The following PPFIBP2 variants were observed in gnomAD, a reference collection of about 807,000 sequenced individuals.
PPFIBP2 encodes the protein liprin-beta-2.
In PPFIBP2, 118 loss-of-function variants were observed where a neutral mutation model predicts 118.3. The observed-to-expected ratio is 1.00, with a 90% CI of 0.86 to 1.16. PPFIBP2 has a LOEUF of 1.16. Among genes scored for constraint, PPFIBP2 ranks in the 50% most tolerant of loss-of-function variants. The pLI, the probability that PPFIBP2 is intolerant of heterozygous loss-of-function variation, is 0.00. For synonymous variants in PPFIBP2, 414 were observed against 397.4 expected (o/e 1.04, Z -0.50); for missense variants, 1,195 against 1,073.1 (o/e 1.11, Z -1.59).
chr11:7,520,549 C>A (rs1849665771), intron 1 of PPFIBP2, among the ~76,000 whole-genome samples: 1 of 150,664 alleles, frequency 6.6e-6, no homozygotes, highest in South Asian at 2.1e-4. Flanking sequence ...GTTCATGATG[C>A]TGTCGTGTTT....
intron 4 of PPFIBP2, chr11:7,597,296 G>C: frequency 6.5e-7 from 1 of 1,535,576 alleles, no homozygotes; most frequent in Non-Finnish European, 8.7e-7. Flanking sequence ...TGGCTGTTGG[G>C]TGTTTTACTC....
rs575263928 is a variant in PPFIBP2 at position 7,625,642 on chromosome 11, C to T, written c.712-135C>T. On this transcript the variant is annotated intron_variant, in intron 7 of 23. Transcript: ENST00000299492. ...CCACCTGTGGAGAGGGCAGTGAGCC[C>T]CTGCTCCTGCTCACCTCTTCTCCTA... 2.8e-4 allele frequency: 190 copies of T among 668,748 alleles called. 2 individuals are homozygous for T. In the East Asian group the frequency reaches 5.0e-3, roughly 18 times the overall value. The allele number at this position is 668,748 out of a possible 1,614,324, so 41.4% of individuals were successfully genotyped here.
intron 21 of PPFIBP2, 103 bp downstream of exon 21, chr11:7,649,757 C>CA: frequency 6.7e-7 from 1 of 1,490,118 alleles, no homozygotes; most frequent in Non-Finnish European, 9.1e-7. Flanking sequence ...CTGTTTTTTG[C>CA]ACCATGGTGC....
intron 6 of PPFIBP2, among the ~76,000 whole-genome samples, chr11:7,613,711 G>C (rs1461060345): frequency 6.6e-6 from 1 of 152,190 alleles, no homozygotes; most frequent in Non-Finnish European, 1.5e-5. Flanking sequence ...TTGCTCAGAT[G>C]GGCCTTCCCC....
intron 17 of PPFIBP2, among the ~76,000 whole-genome samples, chr11:7,647,952 G>GT (rs201454227): frequency 2.6e-5 from 4 of 151,726 alleles, no homozygotes; most frequent in Non-Finnish European, 5.9e-5. Flanking sequence ...TGGGTGTTTT[G>GT]TTTTTTTTCT....
intron 17 of PPFIBP2, 92 bp from the exon 18 acceptor site, chr11:7,648,295 T>A (rs545655309): frequency 1.5e-6 from 2 of 1,370,470 alleles, no homozygotes; most frequent in Admixed American, 4.8e-5. Context: ...GTTTTGTTTT[T>A]TCTTTTCTTT....
intron 3 of PPFIBP2, among the ~76,000 whole-genome samples, chr11:7,570,773 C>T (rs1215402585): frequency 6.6e-6 from 1 of 151,562 alleles, no homozygotes; most frequent in East Asian, 1.9e-4. Flanking sequence ...AGTTAAAAGG[C>T]CAGGGTTCTA....
chr11:7,635,695 G>A lies in PPFIBP2; in HGVS notation c.1236+102G>A, dbSNP rs1314556021. ...TTCATAACCTTAAAATGTGCCAACTGTAAGGAGTAAGAGGGCAAGAGGAAA... is the reference window on the plus strand; with the variant it reads ...TTCATAACCTTAAAATGTGCCAACTATAAGGAGTAAGAGGGCAAGAGGAAA... On this transcript the variant is annotated intron_variant, in intron 14 of 23. Coordinates refer to ENST00000299492, the MANE Select transcript of PPFIBP2 (RefSeq NM_003621.5). 22 of 1,292,368 alleles carry A rather than the reference G, an allele frequency of 1.7e-5. 1 individual carries two copies. The East Asian group carries it at 4.7e-4, about 27-fold the overall frequency. 80.1% of individuals were successfully genotyped at this position (1,292,368 alleles called of 1,614,324 possible). A position where few individuals can be genotyped will look rare whatever the true frequency, so the allele number is the denominator to read the frequency against.
At chr11:7,551,293 A>G (rs1852960341) in intron 2 of PPFIBP2, among the ~76,000 whole-genome samples, 1 of 152,076 alleles carries the variant, frequency 6.6e-6, no homozygotes, top group Non-Finnish European at 1.5e-5. Flanking sequence ...TCAGCCAAAG[A>G]GCAAAGGGGA....
chr11:7,614,818 G>A (rs1420380394), intron 6 of PPFIBP2, among the ~76,000 whole-genome samples: 2 of 152,180 alleles, frequency 1.3e-5, no homozygotes, highest in African/African-American at 4.8e-5. Context: ...GTGCCCAGTA[G>A]TTTCACATAG....
rs192499925 is a variant in PPFIBP2, at chr11:7,615,153, T to C, written c.618+4731T>C. ...GAGTTTGAGGTCAGCCTGGCCAACATAGTGAAACCCCATCTCTACTAAAAC... is the reference window on the plus strand; with the variant it reads ...GAGTTTGAGGTCAGCCTGGCCAACACAGTGAAACCCCATCTCTACTAAAAC... On this transcript the variant is annotated intron_variant, in intron 6 of 23. Coordinates refer to ENST00000299492, the MANE Select transcript of PPFIBP2 (RefSeq NM_003621.5). 6.6e-5 allele frequency among the ~76,000 whole-genome samples: 10 copies of C among 152,072 alleles called. No homozygotes were observed. The East Asian group carries it at 1.9e-3, about 29-fold the overall frequency.
At chr11:7,562,939 A>T (rs61890219) in intron 2 of PPFIBP2, among the ~76,000 whole-genome samples, 1,213 of 27,958 alleles carry the variant, frequency 0.043, 43 homozygotes, top group African/African-American at 0.29. Context: ...TTATATATAT[A>T]TATATATATA....
At chr11:7,515,924 G>A (rs1347373581) in intron 1 of PPFIBP2, among the ~76,000 whole-genome samples, 1 of 152,200 alleles carries the variant, frequency 6.6e-6, no homozygotes, top group Non-Finnish European at 1.5e-5. Flanking sequence ...TGGGGATCTT[G>A]TTCAAATGCA....
chr11:7,583,609 A>G (rs1688068603), intron 3 of PPFIBP2, among the ~76,000 whole-genome samples: 1 of 152,180 alleles, frequency 6.6e-6, no homozygotes, highest in Non-Finnish European at 1.5e-5. Flanking sequence ...TAAGCTTTTT[A>G]TGTGTCCAGC....
chr11:7,517,240 C>A (rs111342538), intron 1 of PPFIBP2, among the ~76,000 whole-genome samples: 24,909 of 152,058 alleles, frequency 0.16, 2,548 homozygotes, highest in African/African-American at 0.28. Flanking sequence ...AGAGTGAGAG[C>A]TCGAGTGAGG....
chr11:7,648,791 T>C lies in PPFIBP2; in HGVS notation c.1798-9T>C, dbSNP rs749708260. ...AATTTCACATGTGGTCTTCATCTTT[T>C]AATTTCAGGAGCTAGGAATTAAGCA... On this transcript the variant is annotated splice_polypyrimidine_tract_variant and intron_variant, in intron 18 of 23. Coordinates refer to ENST00000299492, the MANE Select transcript of PPFIBP2 (RefSeq NM_003621.5). 9 of 1,613,092 alleles carry C rather than the reference T, an allele frequency of 5.6e-6. No individual in the cohort carries two copies. The Admixed American group carries it at 1.0e-4, about 18-fold the overall frequency.
At chr11:7,666,825 C>T in the PPFIBP2 span, 1 of 303,570 alleles carries the variant, frequency 3.3e-6, no homozygotes, top group East Asian at 7.9e-5. Flanking sequence ...AGGACCTTAG[C>T]CAAGCGCTGG....
Position 7,634,539 on chromosome 11 carries a change from A to T in PPFIBP2, c.1181A>T (p.Glu394Val). Residue 394 changes from glutamate to valine, a missense_variant, in exon 13 of 24, where the codon GAA becomes GTA. Glu to Val is a moderately radical substitution (Grantham distance 121). Transcript: ENST00000299492. ...TGTAGTCTAGAAGACTTGAGAAGTG[A>T]ATCTGTGGATAAGGTCGGCTCATCA... is the stretch of plus-strand genomic sequence containing the variant. ...LSCSLEDLRS[E>V]SVDKCMDGNQ... 1 of 1,613,492 alleles carries T rather than the reference A, an allele frequency of 6.2e-7. No individual in the cohort carries two copies. The highest frequency in any genetic ancestry group is 1.1e-5 in the South Asian group (1 of 91,074).
chr11:7,648,138 C>A, intron 17 of PPFIBP2: 1 of 440,258 alleles, frequency 2.3e-6, no homozygotes, highest in Non-Finnish European at 4.1e-6. Flanking sequence ...TACAGGCTGC[C>A]CCATTCTCTA....
Sources: allele counts gnomAD v4.1 joint callset (sites outside exome capture counted in the v4.1 genomes callset), GRCh38; gene constraint gnomAD v4.1.1; transcripts MANE v1.5; gene names NCBI Gene and HGNC (gene_info 2026-07-23, HGNC 2026-07-21).